OSBPL10: variants seen among roughly 807,000 people sequenced by gnomAD.
OSBPL10 encodes the protein oxysterol-binding protein-related protein 10.
OSBPL10 carries 49 observed loss-of-function variants against 81.7 expected under a neutral mutation model. The ratio of observed to expected loss-of-function variants is 0.60; its 90% CI spans 0.48 to 0.76. OSBPL10 has a LOEUF of 0.76. OSBPL10 is among the 30% of genes least tolerant of loss of function. OSBPL10 has a pLI of 0.00. For synonymous variants in OSBPL10, 419 were observed against 383.6 expected, an observed-to-expected ratio of 1.09 and a Z score of -1.08; for missense variants, 923 against 987.8, an observed-to-expected ratio of 0.93 and a Z score of 0.88.
intron 6 of OSBPL10, among the ~76,000 whole-genome samples, chr3:31,728,368 G>A (rs1221437920): frequency 6.6e-6 from 1 of 152,116 alleles, no homozygotes; most frequent in African/African-American, 2.4e-5. Context: ...TCCAGGGGTG[G>A]GACTGATAGT....
At chr3:32,057,723 T>A (rs1332482812) in intron 1 of OSBPL10, among the ~76,000 whole-genome samples, 1 of 152,192 alleles carries the variant, frequency 6.6e-6, no homozygotes, top group African/African-American at 2.4e-5. Context: ...AGGATTATAA[T>A]TCAAATGAGA....
At chr3:31,677,667 G>A (rs546994139) in intron 8 of OSBPL10, among the ~76,000 whole-genome samples, 2 of 152,304 alleles carry the variant, frequency 1.3e-5, no homozygotes, top group South Asian at 2.1e-4. Context: ...TCCTGGGCTG[G>A]GTAAAGTGAA....
chr3:31,922,699 AAG>A (rs1355488462), intron 1 of OSBPL10, among the ~76,000 whole-genome samples: 3 of 152,182 alleles, frequency 2.0e-5, no homozygotes, highest in Non-Finnish European at 2.9e-5. Flanking sequence ...ACTGGAAGGA[AAG>A]AGAAGAAAGG....
chr3:31,965,545 A>ATTATATATT (rs1383047788), intron 1 of OSBPL10, among the ~76,000 whole-genome samples: 1 of 41,282 alleles, frequency 2.4e-5, no homozygotes, highest in Non-Finnish European at 3.4e-5. Flanking sequence ...TAAATTATAT[A>ATTATATATT]TTATATATTA....
At chr3:31,998,913 C>A (rs1410405132) in intron 2 of OSBPL10, among the ~76,000 whole-genome samples, 1 of 152,174 alleles carries the variant, frequency 6.6e-6, no homozygotes, top group East Asian at 1.9e-4. Context: ...TGGCTCAGAG[C>A]AATCATTCAC....
chr3:31,970,752 A>AT (rs1300688454), intron 1 of OSBPL10, among the ~76,000 whole-genome samples: 1 of 152,234 alleles, frequency 6.6e-6, no homozygotes, highest in Non-Finnish European at 1.5e-5. Flanking sequence ...TAACACAGAC[A>AT]TTTTGTGATC....
At chr3:31,773,145 T>A (rs1698430780) in intron 4 of OSBPL10, among the ~76,000 whole-genome samples, 1 of 152,226 alleles carries the variant, frequency 6.6e-6, no homozygotes, top group South Asian at 2.1e-4. Context: ...TCATATGCAC[T>A]ATAGATGTTA....
At chr3:32,000,045 G>A (rs1411610214) in intron 2 of OSBPL10, among the ~76,000 whole-genome samples, 1 of 152,142 alleles carries the variant, frequency 6.6e-6, no homozygotes, top group African/African-American at 2.4e-5. Context: ...CAAAAAGTCT[G>A]AGTCTCATGG....
intron 1 of OSBPL10, among the ~76,000 whole-genome samples, chr3:31,914,821 CA>C (rs1278906389): frequency 6.6e-6 from 1 of 152,144 alleles, no homozygotes; most frequent in Non-Finnish European, 1.5e-5. Context: ...ACTCAATAGC[CA>C]CATGTGGCTA....
At chr3:32,025,517 T>C (rs1376703342) in intron 2 of OSBPL10, among the ~76,000 whole-genome samples, 1 of 152,190 alleles carries the variant, frequency 6.6e-6, no homozygotes, top group Admixed American at 6.5e-5. Context: ...GCTGCCCTCA[T>C]TGAATGAGCT....
intron 1 of OSBPL10, among the ~76,000 whole-genome samples, chr3:31,920,083 A>G (rs1306081749): frequency 6.6e-6 from 1 of 152,232 alleles, no homozygotes; most frequent in East Asian, 1.9e-4. Context: ...TAAAGAATTT[A>G]AAATGCAGAA....
At chr3:31,924,330 C>T (rs1205961508) in intron 1 of OSBPL10, among the ~76,000 whole-genome samples, 1 of 152,090 alleles carries the variant, frequency 6.6e-6, no homozygotes, top group East Asian at 1.9e-4. Flanking sequence ...GTACGTGGTC[C>T]ATGGCCATCT....
intron 1 of OSBPL10, among the ~76,000 whole-genome samples, chr3:31,966,380 A>G (rs1195088321): frequency 6.6e-6 from 1 of 151,796 alleles, no homozygotes; most frequent in African/African-American, 2.4e-5. Flanking sequence ...TTAATAATTT[A>G]AGCATCTGCC....
chr3:31,733,031 T>C, intron 6 of OSBPL10: 2 of 581,786 alleles, frequency 3.4e-6, no homozygotes, highest in Non-Finnish European at 5.9e-6. Flanking sequence ...AAATAGGAGA[T>C]TCCTCATTCG....
intron 1 of OSBPL10, among the ~76,000 whole-genome samples, chr3:31,951,065 C>G (rs1394122244): frequency 2.0e-5 from 3 of 152,212 alleles, no homozygotes; most frequent in African/African-American, 2.4e-5. Flanking sequence ...CAAGGAAATT[C>G]TTGCGTGTGT....
chr3:31,707,556 G>C (rs1696113177), intron 6 of OSBPL10: 1 of 152,178 alleles, frequency 6.6e-6, no homozygotes, highest in Admixed American at 6.5e-5. Context: ...TTGGCACTGA[G>C]TGACAAGACC....
chr3:31,683,308 C>A (rs1199522973), intron 8 of OSBPL10, among the ~76,000 whole-genome samples: 1 of 152,122 alleles, frequency 6.6e-6, no homozygotes, highest in Non-Finnish European at 1.5e-5. Flanking sequence ...GATTTGGAGG[C>A]CAACTCTTAT....
intron 5 of OSBPL10, among the ~76,000 whole-genome samples, chr3:31,736,129 T>C (rs1186330820): frequency 6.6e-6 from 1 of 152,076 alleles, no homozygotes; most frequent in East Asian, 1.9e-4. Flanking sequence ...TGGGAGGGAA[T>C]GGGGAGTTAA....
chr3:31,811,724 G>A (rs567561430), intron 4 of OSBPL10, among the ~76,000 whole-genome samples: 1 of 152,220 alleles, frequency 6.6e-6, no homozygotes, highest in African/African-American at 2.4e-5. Flanking sequence ...TGCATATATA[G>A]GCAAGTACAC....
Sources: gnomAD v4.1 joint callset for allele counts (sites outside exome capture counted in the v4.1 genomes callset) on GRCh38, gnomAD v4.1.1 for gene constraint, MANE v1.5 for transcripts, NCBI Gene and HGNC (gene_info 2026-07-23, HGNC 2026-07-21) for gene names.